Variants in SCAPER observed in about 807,000 individuals in gnomAD.
SCAPER encodes S phase cyclin A-associated protein in the endoplasmic reticulum.
Under a neutral mutation model 182.2 loss-of-function variants are expected in SCAPER, and 98 were observed. The observed-to-expected ratio is 0.54, with a 90% CI of 0.46 to 0.64. SCAPER has a LOEUF of 0.64. Ranked by LOEUF, SCAPER falls within the 30% of genes least tolerant of loss-of-function variation. SCAPER has a pLI of 0.00. For missense variants in SCAPER, 1,432 were observed against 1,690.0 expected, an observed-to-expected ratio of 0.85 and a Z score of 2.68; for synonymous variants, 605 against 564.6, an observed-to-expected ratio of 1.07 and a Z score of -1.01.
At chr15:76,470,515 G>A (rs984041890) in intron 25 of SCAPER, among the ~76,000 whole-genome samples, 11 of 152,102 alleles carry the variant, frequency 7.2e-5, no homozygotes, top group African/African-American at 1.9e-4. Flanking sequence ...AAAGTACATT[G>A]GTTCTGAAAA....
rs1471089904 is a variant in SCAPER at position 76,594,049 on chromosome 15, A to G, written c.2712-19765T>C. On this transcript the variant is annotated intron_variant, in intron 22 of 31. Transcript: ENST00000563290. ...CCTCTGAGCTAAAGGAGCATGATATAACCGAATGCAAGGAAGCTAAGAACC... is the reference window on the plus strand; with the variant it reads ...CCTCTGAGCTAAAGGAGCATGATATGACCGAATGCAAGGAAGCTAAGAACC... Among the ~76,000 whole-genome samples, 2 of 120,254 alleles carry G rather than the reference A, an allele frequency of 1.7e-5. 1 individual carries two copies. Among genetic ancestry groups the G allele is most frequent in the Admixed American group, 1.9e-4 (2 of 10,376 alleles). 78.9% of individuals were successfully genotyped at this position (120,254 alleles called of 152,430 possible). A position where few individuals can be genotyped will look rare whatever the true frequency, so the allele number is the denominator to read the frequency against.
chr15:76,808,781 C>T (rs1476886758), intron 5 of SCAPER, among the ~76,000 whole-genome samples: 4 of 152,286 alleles, frequency 2.6e-5, no homozygotes, highest in East Asian at 1.9e-4. Context: ...ATATAGATTA[C>T]GCATCTGCCA....
chr15:76,354,878 T>C lies in SCAPER; in HGVS notation c.3856-738A>G, dbSNP rs1049705868. 2.0e-5 allele frequency among the ~76,000 whole-genome samples: 3 copies of C among 152,202 alleles called. No individual in the cohort carries two copies. The highest frequency in any genetic ancestry group is 7.2e-5 in the African/African-American group (3 of 41,456). ...TCTTAATTTACTCCCTAGGCCTCCA[T>C]GATAAACTAAGAAATGTCAAAATTA... On this transcript the variant is annotated intron_variant, in intron 29 of 31. Transcript: ENST00000563290. The surrounding 1 kb of genome is among the most constrained non-coding windows in gnomAD (Gnocchi z 4.4).
intron 24 of SCAPER, among the ~76,000 whole-genome samples, chr15:76,480,813 C>A (rs2051057476): frequency 6.6e-6 from 1 of 152,108 alleles, no homozygotes; most frequent in Non-Finnish European, 1.5e-5. Flanking sequence ...TCACTGCAAG[C>A]TCCGCCTCCC....
intron 29 of SCAPER, among the ~76,000 whole-genome samples, chr15:76,357,149 A>AACACACACACACACAC (rs1206860311): frequency 2.3e-4 from 5 of 22,154 alleles, no homozygotes; most frequent in Non-Finnish European, 7.5e-4. Context: ...TTTTATTGAC[A>AACACACACACACACAC]TCACACACAC....
intron 24 of SCAPER, among the ~76,000 whole-genome samples, chr15:76,473,689 A>T (rs1298000424): frequency 1.3e-5 from 2 of 152,210 alleles, no homozygotes; most frequent in Non-Finnish European, 2.9e-5. Context: ...GGGGATTTTA[A>T]CAAGTTCTGC....
chr15:76,697,544 T>C (rs998429521), intron 20 of SCAPER, among the ~76,000 whole-genome samples: 5 of 152,250 alleles, frequency 3.3e-5, no homozygotes, highest in Non-Finnish European at 7.3e-5. Context: ...GCGAAATTTA[T>C]ATTTCAGTTT....
chr15:76,826,216 G>A (rs2151682160), intron 5 of SCAPER, among the ~76,000 whole-genome samples: 1 of 151,976 alleles, frequency 6.6e-6, no homozygotes, highest in East Asian at 1.9e-4. Context: ...TATACACCAT[G>A]GAATACTATG....
intron 24 of SCAPER, among the ~76,000 whole-genome samples, chr15:76,487,538 C>T (rs774061453): frequency 1.6e-4 from 24 of 152,114 alleles, no homozygotes; most frequent in Non-Finnish European, 3.4e-4. Context: ...TTAGTAACAA[C>T]ATATCAATGT....
chr15:76,360,478 C>T (rs917206590), intron 29 of SCAPER, among the ~76,000 whole-genome samples: 1 of 152,178 alleles, frequency 6.6e-6, no homozygotes, highest in Admixed American at 6.5e-5. Flanking sequence ...TTCTTCCTCA[C>T]CTCAAAGGCC....
chr15:76,678,741 C>T (rs949000841), intron 20 of SCAPER, among the ~76,000 whole-genome samples: 4 of 152,112 alleles, frequency 2.6e-5, no homozygotes, highest in Admixed American at 2.6e-4. Context: ...GGAACACTCA[C>T]CTAAAAACAA....
At chr15:76,635,010 T>C (rs1450745651) in intron 21 of SCAPER, among the ~76,000 whole-genome samples, 1 of 152,246 alleles carries the variant, frequency 6.6e-6, no homozygotes, top group African/African-American at 2.4e-5. Flanking sequence ...TGCTATGGTA[T>C]GTTTCTGGTC....
At chr15:76,553,683 G>A (rs183720740) in intron 23 of SCAPER, among the ~76,000 whole-genome samples, 5 of 152,214 alleles carry the variant, frequency 3.3e-5, no homozygotes, top group Admixed American at 2.6e-4. Flanking sequence ...CCCAGCCCCC[G>A]AGAGTAAGAG....
At chr15:76,645,416 G>T (rs1055382600) in intron 21 of SCAPER, among the ~76,000 whole-genome samples, 5 of 151,808 alleles carry the variant, frequency 3.3e-5, no homozygotes, top group African/African-American at 9.7e-5. Context: ...TTACTCTTAT[G>T]AATACCAATA....
At chr15:76,712,949 G>T (rs896212423) in intron 17 of SCAPER, among the ~76,000 whole-genome samples, 30 of 152,266 alleles carry the variant, frequency 2.0e-4, no homozygotes, top group African/African-American at 7.2e-4. Flanking sequence ...CAGTCTGACT[G>T]CCCTGGCCAG....
chr15:76,737,211 A>G (rs1391621560), intron 15 of SCAPER, among the ~76,000 whole-genome samples: 2 of 152,206 alleles, frequency 1.3e-5, no homozygotes, highest in Non-Finnish European at 2.9e-5. Context: ...TATAAAATGT[A>G]TTTTTTAAAA....
chr15:76,589,722 AT>A (rs1344994104), intron 22 of SCAPER, among the ~76,000 whole-genome samples: 1 of 152,060 alleles, frequency 6.6e-6, no homozygotes, highest in Non-Finnish European at 1.5e-5. Flanking sequence ...TTTGGTTGGA[AT>A]TGTTACAAAG....
chr15:76,583,303 A>T (rs1276917399), intron 22 of SCAPER, among the ~76,000 whole-genome samples: 1 of 146,946 alleles, frequency 6.8e-6, no homozygotes, highest in Non-Finnish European at 1.5e-5. Flanking sequence ...GTGAGTCGAG[A>T]TTGAGCCACT....
chr15:76,410,908 C>T (rs1292261434), intron 26 of SCAPER, among the ~76,000 whole-genome samples: 1 of 152,044 alleles, frequency 6.6e-6, no homozygotes, highest in Non-Finnish European at 1.5e-5. Context: ...TTGTGATAAC[C>T]TTTGTCCTTT....
Sources: allele counts gnomAD v4.1 joint callset (sites outside exome capture counted in the v4.1 genomes callset), GRCh38; gene constraint gnomAD v4.1.1; non-coding constraint Gnocchi (gnomAD v3.1); transcripts MANE v1.5; gene names NCBI Gene and HGNC (gene_info 2026-07-23, HGNC 2026-07-21).